The following PROX1 variants were observed in gnomAD, a reference collection of about 807,000 sequenced individuals.
PROX1 encodes prospero homeobox 1, also known as prospero homeobox protein 1.
Under a neutral mutation model 58.8 loss-of-function variants are expected in PROX1, and 7 were observed. The observed-to-expected ratio is 0.12, with a 90% confidence interval of 0.07 to 0.22. The LOEUF (loss-of-function observed/expected upper bound fraction) is 0.22. Ranked by LOEUF, PROX1 falls within the 10% of genes least tolerant of loss-of-function variation. The pLI is 1.00. For synonymous variants in PROX1, 350 were observed against 358.3 expected (o/e 0.98, Z 0.26); for missense variants, 675 against 927.8 (o/e 0.73, Z 3.54).
chr1:214,016,663 C>T (rs147216289), intron 4 of PROX1, among the ~76,000 whole-genome samples: 1 of 152,096 alleles, frequency 6.6e-6, no homozygotes, highest in Admixed American at 6.5e-5. Flanking sequence ...CACATGGCTG[C>T]CTGGAAACGT....
chr1:214,002,867 ATTAG>A (rs1372619798), intron 2 of PROX1, among the ~76,000 whole-genome samples: 3 of 152,254 alleles, frequency 2.0e-5, no homozygotes, highest in African/African-American at 7.2e-5. Context: ...TAAATGTTTC[ATTAG>A]TTATTTTTAA....
intron 1 of PROX1, among the ~76,000 whole-genome samples, chr1:213,991,077 G>T (rs568497347): frequency 8.5e-5 from 13 of 152,276 alleles, no homozygotes; most frequent in African/African-American, 3.1e-4. Flanking sequence ...TTTTTTGTGT[G>T]TGTTGAGGGA....
At chr1:214,028,631 A>G (rs930612247) in intron 4 of PROX1, among the ~76,000 whole-genome samples, 1 of 152,104 alleles carries the variant, frequency 6.6e-6, no homozygotes, top group Non-Finnish European at 1.5e-5. Context: ...AAACTTGTAA[A>G]CCACCTTATA....
chr1:214,001,992 TA>T (rs1176675444), intron 2 of PROX1, among the ~76,000 whole-genome samples: 5 of 152,304 alleles, frequency 3.3e-5, no homozygotes, highest in South Asian at 4.1e-4. Context: ...TTTTAGTTTC[TA>T]GGGGGAAAAC....
chr1:213,997,208 G>A lies in PROX1; in HGVS notation c.673G>A (p.Val225Ile), dbSNP rs1174470737. ...GCAGCAACAGAGTTTCCAGCAGCTG[G>A]TTTCAGCCCGAAAAGAACAGAAGCG... ...QQQQQSFQQL[V>I]SARKEQKREE... Residue 225 changes from valine to isoleucine, a missense_variant, in exon 2 of 5, where the codon GTT becomes ATT. Val to Ile is a conservative substitution (Grantham distance 29). Coordinates refer to ENST00000366958, the MANE Select transcript of PROX1 (RefSeq NM_001270616.2). This position sits in a 1 kb window ranked among gnomAD's most constrained non-coding sequence, Gnocchi z 7.1. 1 of 1,612,758 alleles carries A rather than the reference G, an allele frequency of 6.2e-7. No homozygotes were observed. Among genetic ancestry groups the A allele is most frequent in the Non-Finnish European group, 8.5e-7 (1 of 1,179,644 alleles).
In PROX1 at chr1:214,037,255, A is replaced by G. The variant is rs948529709; in HGVS notation, c.*1421A>G. The stretch of plus-strand genomic sequence containing the variant: ...TTTTCTTAGGTGGGTTTTTGTGTCC[A>G]GATGCAGTAAGAATTCATTGTTCAT... On this transcript the variant is annotated 3_prime_UTR_variant, in exon 5 of 5. Transcript: ENST00000366958. 7 of 152,142 alleles carry G rather than the reference A, an allele frequency of 4.6e-5. No homozygotes were observed. Among genetic ancestry groups the G allele is most frequent in the African/African-American group, 1.7e-4 (7 of 41,418 alleles). 9.4% of individuals were successfully genotyped at this position (152,142 alleles called of 1,614,324 possible).
chr1:214,025,923 A>G (rs974570470), intron 4 of PROX1, among the ~76,000 whole-genome samples: 2 of 151,984 alleles, frequency 1.3e-5, no homozygotes, highest in African/African-American at 4.8e-5. Context: ...CAGCCTCCCA[A>G]AGTGCTGGGA....
chr1:214,020,159 G>T (rs1325801885), intron 4 of PROX1, among the ~76,000 whole-genome samples: 1 of 152,152 alleles, frequency 6.6e-6, no homozygotes, highest in African/African-American at 2.4e-5. Flanking sequence ...GGGTTAGAAT[G>T]AGTTTGGCAT....
intron 4 of PROX1, among the ~76,000 whole-genome samples, chr1:214,014,874 G>C (rs1024987896): frequency 6.6e-6 from 1 of 152,192 alleles, no homozygotes; most frequent in Non-Finnish European, 1.5e-5. Flanking sequence ...CACCACCTCC[G>C]TCCAGCCCCT....
Position 214,039,614 on chromosome 1 carries a change from A to T in PROX1, c.*3780A>T, listed in dbSNP as rs1351701914. ...TGAATTTACTAGGAACACTACAGTGACTGTATAGACAGTTGAAAGCATTCT... is the reference window on the plus strand; with the variant it reads ...TGAATTTACTAGGAACACTACAGTGTCTGTATAGACAGTTGAAAGCATTCT... On this transcript the variant is annotated 3_prime_UTR_variant, in exon 5 of 5. Coordinates refer to ENST00000366958, the MANE Select transcript of PROX1 (RefSeq NM_001270616.2). 6.6e-6 allele frequency: 1 copy of T among 152,234 alleles called. No homozygotes were observed. Among genetic ancestry groups the T allele is most frequent in the Admixed American group, 6.5e-5 (1 of 15,284 alleles). The allele number at this position is 152,234 out of a possible 1,614,324, so 9.4% of individuals were successfully genotyped here. A position where few individuals can be genotyped will look rare whatever the true frequency, so the allele number is the denominator to read the frequency against.
chr1:214,012,042 C>G (rs2102732464), intron 4 of PROX1, among the ~76,000 whole-genome samples: 1 of 152,250 alleles, frequency 6.6e-6, no homozygotes, highest in Admixed American at 6.5e-5. Flanking sequence ...GGAAGAGGTC[C>G]CTACTCCAAT....
rs1663222597 is a variant in PROX1, at chr1:213,995,384, A to G, written c.-67-1085A>G. ...CAAGAAACAATGGAAGTTCATATAC[A>G]AAGAAATATTTCCCTTTCTCACACA... is the stretch of plus-strand genomic sequence containing the variant. On this transcript the variant is annotated intron_variant, in intron 1 of 4. Coordinates refer to ENST00000366958, the MANE Select transcript of PROX1 (RefSeq NM_001270616.2). Among the ~76,000 whole-genome samples the G allele has an allele frequency of 3.3e-5, 5 of 152,176 alleles. No individual in the cohort carries two copies. The South Asian group carries it at 8.3e-4, about 25-fold the overall frequency.
chr1:214,006,884 G>C (rs986045587), intron 3 of PROX1, among the ~76,000 whole-genome samples: 1 of 152,104 alleles, frequency 6.6e-6, no homozygotes, highest in African/African-American at 2.4e-5. Flanking sequence ...TCTTTGCATA[G>C]CAATTTTCAC....
At position 214,038,288 on chromosome 1, in the gene PROX1, G is replaced by A. The variant is rs1412310311; in HGVS notation, c.*2454G>A. On this transcript the variant is annotated 3_prime_UTR_variant, in exon 5 of 5. Coordinates refer to ENST00000366958, the MANE Select transcript of PROX1 (RefSeq NM_001270616.2). ...TCTGAAAATAGAACTTTATCACTATGCTTTCCGGTGGTTTTCCCTTTTACA... is the reference window on the plus strand; with the variant it reads ...TCTGAAAATAGAACTTTATCACTATACTTTCCGGTGGTTTTCCCTTTTACA... 1 of 152,044 alleles carries A rather than the reference G, an allele frequency of 6.6e-6. No homozygotes were observed. Among genetic ancestry groups the A allele is most frequent in the Non-Finnish European group, 1.5e-5 (1 of 68,022 alleles). 9.4% of individuals were successfully genotyped at this position (152,044 alleles called of 1,614,324 possible). A position where few individuals can be genotyped will look rare whatever the true frequency, so the allele number is the denominator to read the frequency against.
In PROX1 at chr1:213,998,098, C is replaced by A. The variant is rs1448877748; in HGVS notation, c.1563C>A (p.Thr521=). 1 of 1,614,116 alleles carries A rather than the reference C, an allele frequency of 6.2e-7. No homozygotes were observed. Among genetic ancestry groups the A allele is most frequent in the Admixed American group, 1.7e-5 (1 of 60,024 alleles). The change falls in exon 2 of 5, where the codon ACC becomes ACA. Residue 521 remains threonine, a synonymous_variant. Transcript: ENST00000366958. Reference sequence around the variant, plus strand: ...AATCCTTAGACTTAACTAGGGATACCACGAGTCTGAGGACCAAGATGTCAT... The same window carrying A: ...AATCCTTAGACTTAACTAGGGATACAACGAGTCTGAGGACCAAGATGTCAT... ...SPESLDLTRD[T]TSLRTKMSSH...
rs1312593463 is a variant in PROX1, at chr1:214,038,719, CT to C, written c.*2888del. 6.6e-6 allele frequency: 1 copy of C among 152,134 alleles called. No homozygotes were observed. The highest frequency in any genetic ancestry group is 1.5e-5 in the Non-Finnish European group (1 of 68,008). The allele number at this position is 152,134 out of a possible 1,614,324, so 9.4% of individuals were successfully genotyped here. A position where few individuals can be genotyped will look rare whatever the true frequency, so the allele number is the denominator to read the frequency against. On this transcript the variant is annotated 3_prime_UTR_variant, in exon 5 of 5. Coordinates refer to ENST00000366958, the MANE Select transcript of PROX1 (RefSeq NM_001270616.2). ...ACAATTGTTCTTGTGCCTTCTGTGG[CT>C]TTCGATTTCATCTTTTTGACTTTAT...
In PROX1 at chr1:214,037,446, G is replaced by C. The variant is rs774545749; in HGVS notation, c.*1612G>C. ...TTTGACTTTGGAGAATACAGGTCTT[G>C]ACCCATGTGACTGACTAGCTGACCC... On this transcript the variant is annotated 3_prime_UTR_variant, in exon 5 of 5. Coordinates refer to ENST00000366958, the MANE Select transcript of PROX1 (RefSeq NM_001270616.2). 4.6e-5 allele frequency: 7 copies of C among 152,156 alleles called. No homozygotes were observed. Among genetic ancestry groups the C allele is most frequent in the Admixed American group, 6.5e-5 (1 of 15,276 alleles). 9.4% of individuals were successfully genotyped at this position (152,156 alleles called of 1,614,324 possible).
rs758404044 is a variant in PROX1 at position 213,997,944 on chromosome 1, C to G, written c.1409C>G (p.Ser470Cys). The G allele has an allele frequency of 6.2e-7, 1 of 1,614,002 alleles. No homozygotes were observed. Among genetic ancestry groups the G allele is most frequent in the Non-Finnish European group, 8.5e-7 (1 of 1,179,938 alleles). ...CAGCCCCTGCACCAGTCGCCTCTCT[C>G]TGCCACCACGGGCTTCACCACGTCC... ...HHQPLHQSPL[S>C]ATTGFTTSTF... The change falls in exon 2 of 5, where the codon TCT becomes TGT. Residue 470 changes from serine to cysteine, a missense_variant. Ser to Cys is a moderately radical substitution (Grantham distance 112, BLOSUM62 -1). Coordinates refer to ENST00000366958, the MANE Select transcript of PROX1 (RefSeq NM_001270616.2). This position sits in a 1 kb window ranked among gnomAD's most constrained non-coding sequence, Gnocchi z 7.1.
At chr1:213,986,615 T>C (rs1662831665), upstream of PROX1, among the ~76,000 whole-genome samples, 2 of 152,202 alleles carry the variant, frequency 1.3e-5, no homozygotes, top group South Asian at 4.1e-4. Flanking sequence ...ATTCAACCTT[T>C]GATCTGATTA....
Sources: allele counts gnomAD v4.1 joint callset (sites outside exome capture counted in the v4.1 genomes callset), GRCh38; gene constraint gnomAD v4.1.1; non-coding constraint Gnocchi (gnomAD v3.1); transcripts MANE v1.5; gene names NCBI Gene and HGNC (gene_info 2026-07-23, HGNC 2026-07-21).